CYYR1: variants seen among roughly 807,000 people sequenced by gnomAD.
CYYR1 encodes cysteine and tyrosine-rich protein 1.
A neutral mutation model predicts 15.2 loss-of-function variants in CYYR1; 14 were observed. The observed-to-expected ratio is 0.92, with a 90% confidence interval of 0.61 to 1.44. The LOEUF is 1.44. Among genes scored for constraint, CYYR1 ranks in the 40% most tolerant of loss-of-function variants. CYYR1 has a pLI of 0.00. For missense variants in CYYR1, 228 were observed against 209.5 expected, an observed-to-expected ratio of 1.09 and a Z score of -0.54; for synonymous variants, 80 against 77.4, an observed-to-expected ratio of 1.03 and a Z score of -0.18.
At position 26,522,480 on chromosome 21, in the gene CYYR1, A is replaced by G. The variant is rs139212966; in HGVS notation, c.177-42051T>C. Among the ~76,000 whole-genome samples the G allele has an allele frequency of 1.7e-3, 257 of 152,364 alleles. 2 individuals carry two copies. Among genetic ancestry groups the G allele is most frequent in the African/African-American group, 6.0e-3 (248 of 41,596 alleles). On this transcript the variant is annotated intron_variant, in intron 2 of 3. Coordinates refer to ENST00000652641, the MANE Select transcript of CYYR1 (RefSeq NM_001320768.2). ...TTTAGGGAGAATGCTCTCCCAAATT[A>G]TAGACAGTTTGCTTGCAAAATTTAG...
intron 2 of CYYR1, among the ~76,000 whole-genome samples, chr21:26,546,892 C>T (rs946094909): frequency 1.3e-5 from 2 of 152,030 alleles, no homozygotes; most frequent in African/African-American, 4.8e-5. Context: ...TGTGGCTCGA[C>T]GCTGCTTCAG....
chr21:26,567,757 G>T (rs1403006463), intron 1 of CYYR1, among the ~76,000 whole-genome samples: 4 of 152,046 alleles, frequency 2.6e-5, no homozygotes, highest in Non-Finnish European at 5.9e-5. Context: ...ATTTATGTCT[G>T]CACGTCCATG....
At chr21:26,501,281 G>A (rs752194094) in intron 2 of CYYR1, among the ~76,000 whole-genome samples, 7 of 152,188 alleles carry the variant, frequency 4.6e-5, no homozygotes, top group Non-Finnish European at 8.8e-5. Flanking sequence ...AGGTTGCAGT[G>A]AGCCGAGATT....
chr21:26,468,380 A>G lies in CYYR1; in HGVS notation c.*121T>C. 1.3e-6 allele frequency: 1 copy of G among 764,832 alleles called. No individual in the cohort carries two copies. The highest frequency in any genetic ancestry group is 2.4e-6 in the Non-Finnish European group (1 of 418,738). The allele number at this position is 764,832 out of a possible 1,614,324, so 47.4% of individuals were successfully genotyped here. A position where few individuals can be genotyped will look rare whatever the true frequency, so the allele number is the denominator to read the frequency against. ...TCTCCTAGCAGGGATATTCCACCTGACACATTATCTGACCCCAAAAAGTAT... is the reference window on the plus strand; with the variant it reads ...TCTCCTAGCAGGGATATTCCACCTGGCACATTATCTGACCCCAAAAAGTAT... On this transcript the variant is annotated 3_prime_UTR_variant, in exon 4 of 4. Coordinates refer to ENST00000652641, the MANE Select transcript of CYYR1 (RefSeq NM_001320768.2).
chr21:26,470,785 A>T (rs2065023606), intron 3 of CYYR1: 1 of 152,306 alleles, frequency 6.6e-6, no homozygotes, highest in Admixed American at 6.5e-5. Flanking sequence ...GATGATTTGA[A>T]CCACTGACTG....
rs150613072 is a variant in CYYR1, at chr21:26,537,150, T to C, written c.176+29116A>G. ...TAACTGAGGAGCATAGGAGTAAATATAGGAAAGGGGTTAGATAGAAAGCAT... is the reference window on the plus strand; with the variant it reads ...TAACTGAGGAGCATAGGAGTAAATACAGGAAAGGGGTTAGATAGAAAGCAT... On this transcript the variant is annotated intron_variant, in intron 2 of 3. Transcript: ENST00000652641. Among the ~76,000 whole-genome samples the C allele has an allele frequency of 3.5e-3, 536 of 152,150 alleles. 3 individuals carry two copies. The highest frequency in any genetic ancestry group is 0.02 in the Middle Eastern group (6 of 294).
chr21:26,517,187 A>G (rs1831272444), intron 2 of CYYR1, among the ~76,000 whole-genome samples: 1 of 151,402 alleles, frequency 6.6e-6, no homozygotes, highest in Non-Finnish European at 1.5e-5. Context: ...TTTGACTATA[A>G]TCAAGGTTAA....
chr21:26,565,289 G>A (rs1013081170), intron 2 of CYYR1, among the ~76,000 whole-genome samples: 1 of 152,096 alleles, frequency 6.6e-6, no homozygotes, highest in Non-Finnish European at 1.5e-5. Flanking sequence ...CCGTCTCAAC[G>A]GACACTTCCC....
chr21:26,564,862 A>T (rs911401340), intron 2 of CYYR1: 19 of 1,152,300 alleles, frequency 1.6e-5, no homozygotes, highest in African/African-American at 4.7e-5. Flanking sequence ...AAAAAAATTT[A>T]AATTTATTAA....
intron 2 of CYYR1, among the ~76,000 whole-genome samples, chr21:26,520,392 C>G (rs576895267): frequency 4.0e-5 from 6 of 151,886 alleles, no homozygotes; most frequent in African/African-American, 1.2e-4. Context: ...ATCCATGTCC[C>G]TGCAAAGGAC....
chr21:26,561,311 T>C (rs1403586603), intron 2 of CYYR1, among the ~76,000 whole-genome samples: 1 of 144,150 alleles, frequency 6.9e-6, no homozygotes, highest in African/African-American at 2.6e-5. Context: ...TTAATTTAAA[T>C]GGTTTTTTTT....
At chr21:26,528,620 C>A (rs900000853) in intron 2 of CYYR1, among the ~76,000 whole-genome samples, 1 of 152,144 alleles carries the variant, frequency 6.6e-6, no homozygotes, top group Non-Finnish European at 1.5e-5. Context: ...AAATAAATTT[C>A]TTTCCTTCAT....
chr21:26,543,744 A>G (rs1978747105), intron 2 of CYYR1, among the ~76,000 whole-genome samples: 1 of 152,048 alleles, frequency 6.6e-6, no homozygotes, highest in African/African-American at 2.4e-5. Context: ...CGTCTCTATT[A>G]AAAAATACAA....
At chr21:26,486,920 ATCT>A (rs1046649802) in intron 2 of CYYR1, among the ~76,000 whole-genome samples, 12 of 152,066 alleles carry the variant, frequency 7.9e-5, no homozygotes, top group Admixed American at 7.2e-4. Context: ...AGTAATATTT[ATCT>A]TCTTCTCGGA....
intron 2 of CYYR1, among the ~76,000 whole-genome samples, chr21:26,536,372 A>G (rs993900538): frequency 2.6e-5 from 4 of 152,216 alleles, no homozygotes; most frequent in African/African-American, 9.7e-5. Context: ...TGCTTTTAAT[A>G]AATGGGTATG....
chr21:26,568,602 G>A (rs1980805369), intron 1 of CYYR1: 1 of 152,108 alleles, frequency 6.6e-6, no homozygotes, highest in South Asian at 2.1e-4. Flanking sequence ...AAAAGCAATT[G>A]ACAAGCGGGA....
intron 2 of CYYR1, among the ~76,000 whole-genome samples, chr21:26,488,321 C>A (rs1436326914): frequency 6.6e-6 from 1 of 151,732 alleles, no homozygotes; most frequent in Non-Finnish European, 1.5e-5. Flanking sequence ...GGCTGGAGTG[C>A]AGTGGCTCAC....
intron 2 of CYYR1, among the ~76,000 whole-genome samples, chr21:26,553,269 T>G (rs1979524125): frequency 1.3e-5 from 2 of 152,096 alleles, no homozygotes; most frequent in South Asian, 2.1e-4. Context: ...TTCCAAATTT[T>G]TTTTCTTTAG....
intron 3 of CYYR1, among the ~76,000 whole-genome samples, chr21:26,475,253 G>C (rs2065087957): frequency 6.6e-6 from 1 of 151,586 alleles, no homozygotes; most frequent in Non-Finnish European, 1.5e-5. Context: ...TTCACTCTCA[G>C]CAGAAGACTT....
Sources: allele counts gnomAD v4.1 joint callset (sites outside exome capture counted in the v4.1 genomes callset), GRCh38; gene constraint gnomAD v4.1.1; transcripts MANE v1.5; gene names NCBI Gene and HGNC (gene_info 2026-07-23, HGNC 2026-07-21).